ACSS3: variants seen among roughly 807,000 people sequenced by gnomAD.
ACSS3 encodes the protein acyl-CoA synthetase short-chain family member 3, mitochondrial.
In ACSS3, 64 loss-of-function variants were observed where a neutral mutation model predicts 84.2. The observed-to-expected ratio is 0.76, with a 90% CI of 0.62 to 0.94. The LOEUF is 0.94. ACSS3 is among the 40% of genes least tolerant of loss of function. The pLI, the probability that ACSS3 is intolerant of heterozygous loss-of-function variation, is 0.00. For synonymous variants in ACSS3, 317 were observed against 310.1 expected, an observed-to-expected ratio of 1.02 and a Z score of -0.23; for missense variants, 815 against 867.6, an observed-to-expected ratio of 0.94 and a Z score of 0.76.
intron 8 of ACSS3, among the ~76,000 whole-genome samples, chr12:81,193,492 G>C (rs1325261035): frequency 6.6e-6 from 1 of 151,626 alleles, no homozygotes; most frequent in African/African-American, 2.4e-5. Context: ...TTTTAGTCTT[G>C]TGTTCAATTT....
At chr12:81,173,772 A>G (rs187014715) in intron 7 of ACSS3, among the ~76,000 whole-genome samples, 18 of 152,272 alleles carry the variant, frequency 1.2e-4, no homozygotes, top group Admixed American at 1.1e-3. Flanking sequence ...GTTTCATGGG[A>G]AACAGAGATC....
intron 9 of ACSS3, among the ~76,000 whole-genome samples, chr12:81,204,031 C>T (rs1036816301): frequency 2.6e-5 from 4 of 152,108 alleles, no homozygotes; most frequent in East Asian, 1.9e-4. Flanking sequence ...CTCAGCTGTA[C>T]GATCCCCAAA....
chr12:81,237,150 A>G (rs1489483468), intron 13 of ACSS3, among the ~76,000 whole-genome samples: 1 of 151,510 alleles, frequency 6.6e-6, no homozygotes, highest in African/African-American at 2.4e-5. Flanking sequence ...AAATGTTTCT[A>G]ACTCCTGGGA....
upstream of ACSS3, chr12:81,077,926 C>T (rs1880717940): frequency 1.7e-6 from 1 of 581,876 alleles, no homozygotes; most frequent in Admixed American, 3.8e-5. Context: ...TGTCCCGGGG[C>T]CCCCACTTTA....
chr12:81,139,147 C>T lies in ACSS3; in HGVS notation c.662C>T (p.Thr221Ile), dbSNP rs762812454. ...IDHVKPKVVV[T>I]ASFGIEPGRR... Reference sequence around the variant, plus strand: ...TAATTGTAGCCCAAGGTGGTTGTTACAGCATCATTTGGCATTGAACCTGGA... The same window carrying T: ...TAATTGTAGCCCAAGGTGGTTGTTATAGCATCATTTGGCATTGAACCTGGA... The change falls in exon 4 of 16, where the codon ACA (threonine) becomes ATA (isoleucine). Residue 221 changes from threonine to isoleucine, a missense_variant. By Grantham distance (89) the Thr-to-Ile change is moderately conservative. Coordinates refer to ENST00000548058, the MANE Select transcript of ACSS3 (RefSeq NM_024560.4). 3.7e-6 allele frequency: 6 copies of T among 1,613,536 alleles called. No homozygotes were observed. The highest frequency in any genetic ancestry group is 1.3e-5 in the African/African-American group (1 of 75,026).
At chr12:81,251,741 G>A (rs1001250971) in intron 13 of ACSS3, among the ~76,000 whole-genome samples, 1 of 151,620 alleles carries the variant, frequency 6.6e-6, no homozygotes, top group African/African-American at 2.4e-5. Flanking sequence ...TGTTGAAGAG[G>A]CTGAGGTTGG....
At chr12:81,080,595 T>C (rs1258934377) in intron 1 of ACSS3, among the ~76,000 whole-genome samples, 1 of 152,110 alleles carries the variant, frequency 6.6e-6, no homozygotes, top group East Asian at 1.9e-4. Flanking sequence ...GGGAGGGAAG[T>C]AGACGTAGGA....
At chr12:81,161,656 C>T (rs76962968) in intron 7 of ACSS3, among the ~76,000 whole-genome samples, 16,759 of 152,222 alleles carry the variant, frequency 0.11, 1,213 homozygotes, top group Admixed American at 0.18. Flanking sequence ...GAAGCCTCTG[C>T]AGCTGGTGAT....
At chr12:81,243,803 T>G (rs1484841163) in intron 13 of ACSS3, among the ~76,000 whole-genome samples, 1 of 152,184 alleles carries the variant, frequency 6.6e-6, no homozygotes, top group Non-Finnish European at 1.5e-5. Flanking sequence ...TGCTAGCACA[T>G]TAGCATATAC....
At chr12:81,252,960 T>A (rs2034197914) in intron 13 of ACSS3, among the ~76,000 whole-genome samples, 2 of 152,330 alleles carry the variant, frequency 1.3e-5, no homozygotes, top group South Asian at 4.1e-4. Flanking sequence ...TTACAGAGGT[T>A]TGTTTACATA....
chr12:81,234,645 C>T (rs918294143), intron 13 of ACSS3, among the ~76,000 whole-genome samples: 1 of 151,352 alleles, frequency 6.6e-6, no homozygotes, highest in African/African-American at 2.4e-5. Context: ...TCTGTAATAA[C>T]TAGTGATATT....
chr12:81,125,044 C>A (rs1044866331), intron 2 of ACSS3, among the ~76,000 whole-genome samples: 1 of 152,150 alleles, frequency 6.6e-6, no homozygotes, highest in African/African-American at 2.4e-5. Context: ...GAAACCCTGT[C>A]TCTACTAAAA....
chr12:81,170,600 T>G (rs2029960876), intron 7 of ACSS3, among the ~76,000 whole-genome samples: 1 of 152,104 alleles, frequency 6.6e-6, no homozygotes, highest in Non-Finnish European at 1.5e-5. Flanking sequence ...GTAACCACAT[T>G]GATTTGAGTT....
At chr12:81,105,699 G>T (rs1276844041) in intron 1 of ACSS3, among the ~76,000 whole-genome samples, 1 of 152,174 alleles carries the variant, frequency 6.6e-6, no homozygotes, top group Non-Finnish European at 1.5e-5. Flanking sequence ...ACTAATACAT[G>T]GCAAGTGCTG....
chr12:81,142,962 C>G (rs572538804), intron 4 of ACSS3, 145 bp from the exon 5 acceptor site: 3 of 742,428 alleles, frequency 4.0e-6, no homozygotes, highest in Non-Finnish European at 5.7e-6. Context: ...TGAACTTGAA[C>G]TTTTTAGTCA....
chr12:81,198,650 A>G (rs764760351), intron 8 of ACSS3, among the ~76,000 whole-genome samples: 4 of 151,276 alleles, frequency 2.6e-5, no homozygotes, highest in Non-Finnish European at 5.9e-5. Context: ...TGGGGTCAAC[A>G]CAATTGTATT....
chr12:81,172,248 A>G (rs1209577215), intron 7 of ACSS3, among the ~76,000 whole-genome samples: 4 of 77,172 alleles, frequency 5.2e-5, no homozygotes, highest in African/African-American at 1.7e-4. Flanking sequence ...CCTGAGAGTG[A>G]GGCTCTGTCT....
intron 1 of ACSS3, among the ~76,000 whole-genome samples, chr12:81,081,963 A>T (rs966110180): frequency 6.6e-6 from 1 of 152,210 alleles, no homozygotes; most frequent in African/African-American, 2.4e-5. Flanking sequence ...AAGGACATCA[A>T]TCATTCACCC....
At chr12:81,148,406 A>G (rs1886446578) in intron 5 of ACSS3, among the ~76,000 whole-genome samples, 1 of 152,232 alleles carries the variant, frequency 6.6e-6, no homozygotes, top group African/African-American at 2.4e-5. Context: ...TGGAAATTAT[A>G]AAGAACTATC....
Sources: gnomAD v4.1 joint callset for allele counts (sites outside exome capture counted in the v4.1 genomes callset) on GRCh38, gnomAD v4.1.1 for gene constraint, MANE v1.5 for transcripts, NCBI Gene and HGNC (gene_info 2026-07-23, HGNC 2026-07-21) for gene names.